Variants in AKTIP observed in about 807,000 individuals in gnomAD.
AKTIP encodes AKT interacting protein.
A neutral mutation model predicts 39.1 loss-of-function variants in AKTIP; 16 were observed. That is an observed-to-expected ratio of 0.41 (90% CI 0.28 to 0.62). AKTIP has a LOEUF of 0.62. Ranked by LOEUF, AKTIP falls within the 20% of genes least tolerant of loss-of-function variation. The pLI is 0.32. For synonymous variants in AKTIP, 93 were observed against 124.3 expected, an observed-to-expected ratio of 0.75 and a Z score of 1.67; for missense variants, 262 against 356.6, an observed-to-expected ratio of 0.73 and a Z score of 2.14.
intron 3 of AKTIP, 96 bp from the exon 4 acceptor site, chr16:53,495,422 C>CG: frequency 8.6e-7 from 1 of 1,159,896 alleles, no homozygotes; most frequent in Non-Finnish European, 1.3e-6. Flanking sequence ...AACGGCCCCT[C>CG]AATGGGCAGC....
At position 53,500,205 on chromosome 16, in the gene AKTIP, C is replaced by CAACT; in HGVS notation, c.42+9_42+12dup. 6.3e-7 allele frequency: 1 copy of CAACT among 1,594,866 alleles called. No homozygotes were observed. The highest frequency in any genetic ancestry group is 1.7e-5 in the Admixed American group (1 of 58,728). ...AAATGGGTTTTCTTACTGAATTTAT[C>CAACT]AACTATACCTACTTTGCGTACAGAG... On this transcript the variant is annotated intron_variant, in intron 2 of 9. Coordinates refer to ENST00000394657, the MANE Select transcript of AKTIP (RefSeq NM_022476.4).
At position 53,495,302 on chromosome 16, in the gene AKTIP, T is replaced by G. The variant is rs369293275; in HGVS notation, c.273A>C (p.Leu91=). Residue 91 remains leucine (L), a synonymous_variant, in exon 4 of 10, where the codon CTA becomes CTC. Coordinates refer to ENST00000394657, the MANE Select transcript of AKTIP (RefSeq NM_022476.4). ...AAGATGGCTGCACATAGACGCCTGG[T>G]AGCTTCTGCTTCACAACCAAGGTAC... ...AEFTLVVKQK[L]PGVYVQPSYR... is the part of the protein sequence containing the mutation. 42 of 1,614,114 alleles carry G rather than the reference T, an allele frequency of 2.6e-5. No individual in the cohort carries two copies. The highest frequency in any genetic ancestry group is 3.3e-5 in the Non-Finnish European group (39 of 1,180,046).
intron 1 of AKTIP, 51 bp from the exon 2 acceptor site, chr16:53,500,380 AC>A (rs1962095993): frequency 1.6e-6 from 2 of 1,251,602 alleles, no homozygotes; most frequent in African/African-American, 1.6e-5. Flanking sequence ...AACCATTAAG[AC>A]TTTTTTTTTT....
Position 53,498,477 on chromosome 16 carries a change from T to G in AKTIP, c.162A>C (p.Thr54=), listed in dbSNP as rs763039734. Residue 54 remains threonine, a synonymous_variant, in exon 3 of 10, where the codon ACA becomes ACC. Coordinates refer to ENST00000394657, the MANE Select transcript of AKTIP (RefSeq NM_022476.4). ...PKNALPITKP[T]SPAPAAQSTN... ...TTGACTGTGCTGCTGGGGCAGGAGATGTAGGCTTAGTTATGGGCAAAGCAT... is the reference window on the plus strand; with the variant it reads ...TTGACTGTGCTGCTGGGGCAGGAGAGGTAGGCTTAGTTATGGGCAAAGCAT... 11 of 1,613,836 alleles carry G rather than the reference T, an allele frequency of 6.8e-6. No individual in the cohort carries two copies. In the East Asian group the frequency reaches 1.6e-4, roughly 23 times the overall value.
chr16:53,496,706 C>T (rs896605726), intron 3 of AKTIP, among the ~76,000 whole-genome samples: 1 of 151,972 alleles, frequency 6.6e-6, no homozygotes, highest in Non-Finnish European at 1.5e-5. Flanking sequence ...TGGTGGCGCA[C>T]ACCTGTAGTC....
intron 8 of AKTIP, chr16:53,492,975 T>C (rs1016095412): frequency 7.8e-6 from 4 of 511,466 alleles, no homozygotes; most frequent in Non-Finnish European, 1.4e-5. Flanking sequence ...CTTGAAGTAC[T>C]GTTATTTAAA....
At position 53,492,184 on chromosome 16, in the gene AKTIP, G is replaced by T; in HGVS notation, c.*228C>A. On this transcript the variant is annotated 3_prime_UTR_variant, in exon 10 of 10. Transcript: ENST00000394657. ...TAAGCCTCAAGGTCCCCAATAATTT[G>T]GAGTACTGAACTAGATAACCACCCT... The T allele has an allele frequency of 2.2e-6, 1 of 445,750 alleles. No homozygotes were observed. The highest frequency in any genetic ancestry group is 4.0e-6 in the Non-Finnish European group (1 of 249,882). The allele number at this position is 445,750 out of a possible 1,614,324, so 27.6% of individuals were successfully genotyped here. A position where few individuals can be genotyped will look rare whatever the true frequency, so the allele number is the denominator to read the frequency against.
intron 9 of AKTIP, 61 bp from the exon 10 acceptor site, chr16:53,492,580 T>C: frequency 2.5e-6 from 4 of 1,602,926 alleles, no homozygotes; most frequent in Non-Finnish European, 3.4e-6. Context: ...TTCAGCACTG[T>C]ACAAACTTGT....
At chr16:53,501,063 C>T (rs1962140113) in intron 1 of AKTIP, 1 of 152,160 alleles carries the variant, frequency 6.6e-6, no homozygotes, top group Non-Finnish European at 1.5e-5. Context: ...TGGGAACAAA[C>T]AATAGATACA....
intron 3 of AKTIP, among the ~76,000 whole-genome samples, chr16:53,496,358 C>T (rs1961833154): frequency 6.6e-6 from 1 of 152,126 alleles, no homozygotes; most frequent in African/African-American, 2.4e-5. Context: ...CAGCCTCAAA[C>T]ACAAGGCCTC....
intron 8 of AKTIP, 182 bp from the exon 9 acceptor site, chr16:53,492,935 G>GAATGATCTCATTTA: frequency 1.7e-6 from 1 of 590,350 alleles, no homozygotes; most frequent in South Asian, 2.1e-5. Flanking sequence ...CCTCATACAT[G>GAATGATCTCATTTA]AATGATCTCA....
chr16:53,496,016 CGAT>C (rs1961809632), intron 3 of AKTIP, among the ~76,000 whole-genome samples: 1 of 152,120 alleles, frequency 6.6e-6, no homozygotes, highest in South Asian at 2.1e-4. Context: ...AAACAAGAAA[CGAT>C]AAGTGTATTG....
chr16:53,499,004 A>T (rs7200002), intron 2 of AKTIP, among the ~76,000 whole-genome samples: 4,940 of 152,344 alleles, frequency 0.032, 244 homozygotes, highest in African/African-American at 0.11. Flanking sequence ...GAAGCTCAAA[A>T]TAATGTGGAT....
intron 2 of AKTIP, among the ~76,000 whole-genome samples, 160 bp from the exon 3 acceptor site, chr16:53,498,756 T>C (rs1961992787): frequency 1.3e-5 from 2 of 152,172 alleles, no homozygotes; most frequent in African/African-American, 2.4e-5. Flanking sequence ...AGGCAGGTCA[T>C]ATAAAGAGAA....
chr16:53,497,563 G>C (rs185533019), intron 3 of AKTIP, among the ~76,000 whole-genome samples: 37 of 152,244 alleles, frequency 2.4e-4, no homozygotes, highest in African/African-American at 8.9e-4. Context: ...CTCCCTGCTA[G>C]GCCTTCTCCT....
At chr16:53,499,628 T>G (rs1213918798) in intron 2 of AKTIP, among the ~76,000 whole-genome samples, 1 of 151,702 alleles carries the variant, frequency 6.6e-6, no homozygotes, top group Non-Finnish European at 1.5e-5. Context: ...CCCAGCTAAT[T>G]TTTTTGTATA....
chr16:53,496,918 A>G (rs13335858), intron 3 of AKTIP, among the ~76,000 whole-genome samples: 51 of 152,238 alleles, frequency 3.4e-4, no homozygotes, highest in African/African-American at 1.2e-3. Flanking sequence ...TGATCCTCCC[A>G]CTTCAGCCTC....
At chr16:53,495,419 C>G in intron 3 of AKTIP, 93 bp from the exon 4 acceptor site, 1 of 1,194,780 alleles carries the variant, frequency 8.4e-7, no homozygotes, top group Non-Finnish European at 1.2e-6. Flanking sequence ...ATGAACGGCC[C>G]CTCAATGGGC....
chr16:53,491,569 T>C lies in AKTIP; in HGVS notation c.*843A>G, dbSNP rs146888073. On this transcript the variant is annotated 3_prime_UTR_variant, in exon 10 of 10. Transcript: ENST00000394657. ...ATTAGAATAGTGTTCTGCAAAAATA[T>C]TTATAAAACTTCTCAAGATACTGCT... 6.5e-6 allele frequency: 1 copy of C among 152,710 alleles called. No individual in the cohort carries two copies. The highest frequency in any genetic ancestry group is 1.5e-5 in the Non-Finnish European group (1 of 68,016). 9.5% of individuals were successfully genotyped at this position (152,710 alleles called of 1,614,324 possible).
Sources: gnomAD v4.1 joint callset for allele counts (sites outside exome capture counted in the v4.1 genomes callset) on GRCh38, gnomAD v4.1.1 for gene constraint, MANE v1.5 for transcripts, NCBI Gene and HGNC (gene_info 2026-07-23, HGNC 2026-07-21) for gene names.